Variants in PABPC4L observed in about 807,000 individuals in gnomAD.
The protein encoded by PABPC4L is polyadenylate-binding protein 4-like.
For missense variants in PABPC4L, 452 were observed against 451.4 expected, an observed-to-expected ratio of 1.00 and a Z score of -0.01; for synonymous variants, 169 against 164.1, an observed-to-expected ratio of 1.03 and a Z score of -0.23.
At chr4:134,074,845 A>G in the PABPC4L span, among the ~76,000 whole-genome samples, 2 of 152,116 alleles carry the variant, frequency 1.3e-5, no homozygotes, top group East Asian at 3.9e-4. Context: ...TCATGAGAAC[A>G]TCATGAGGGT....
the PABPC4L span, among the ~76,000 whole-genome samples, chr4:134,102,674 T>C: frequency 6.6e-6 from 1 of 151,504 alleles, no homozygotes; most frequent in Non-Finnish European, 1.5e-5. Flanking sequence ...CAGCTAAACG[T>C]TTGCTGAAGT....
At chr4:133,989,888 G>A in the PABPC4L span, among the ~76,000 whole-genome samples, 10 of 152,094 alleles carry the variant, frequency 6.6e-5, no homozygotes, top group African/African-American at 2.4e-4. Flanking sequence ...TACAATCATG[G>A]CAGGAGAAGC....
the PABPC4L span, among the ~76,000 whole-genome samples, chr4:134,042,610 T>A: frequency 6.6e-6 from 1 of 152,198 alleles, no homozygotes; most frequent in South Asian, 2.1e-4. Context: ...GGAACACTAT[T>A]AATAATTTTG....
chr4:133,982,290 T>C, the PABPC4L span, among the ~76,000 whole-genome samples: 1 of 152,004 alleles, frequency 6.6e-6, no homozygotes, highest in South Asian at 2.1e-4. Context: ...GCATCCTATT[T>C]ATATAGTGTA....
the PABPC4L span, among the ~76,000 whole-genome samples, chr4:134,130,567 C>A: frequency 0.48 from 72,605 of 151,764 alleles, 20,658 homozygotes; most frequent in East Asian, 0.98. Context: ...AAAGGCCAGG[C>A]CCAGAGAGAT....
At chr4:134,026,628 C>T in the PABPC4L span, among the ~76,000 whole-genome samples, 2 of 152,064 alleles carry the variant, frequency 1.3e-5, no homozygotes, top group East Asian at 1.9e-4. Context: ...TGTCCCCCCC[C>T]AAAATTCATA....
chr4:134,094,519 G>C, the PABPC4L span, among the ~76,000 whole-genome samples: 3 of 151,726 alleles, frequency 2.0e-5, no homozygotes, highest in Non-Finnish European at 4.4e-5. Flanking sequence ...ATGAAGTTAT[G>C]GTTTAAAATT....
At chr4:133,978,834 T>G in the PABPC4L span, 1 of 152,316 alleles carries the variant, frequency 6.6e-6, no homozygotes, top group South Asian at 2.1e-4. Context: ...ATAATTACCT[T>G]GTGATGTGAT....
chr4:134,155,780 G>GTAATC, the PABPC4L span, among the ~76,000 whole-genome samples: 1 of 151,864 alleles, frequency 6.6e-6, no homozygotes, highest in African/African-American at 2.4e-5. Context: ...AAATATTTTT[G>GTAATC]TAATCTGAAT....
At chr4:134,110,223 C>T in the PABPC4L span, among the ~76,000 whole-genome samples, 1 of 151,760 alleles carries the variant, frequency 6.6e-6, no homozygotes, top group Non-Finnish European at 1.5e-5. Flanking sequence ...AGAAAGTATA[C>T]TATAATTACT....
At chr4:133,949,971 A>C in the PABPC4L span, among the ~76,000 whole-genome samples, 1 of 152,144 alleles carries the variant, frequency 6.6e-6, no homozygotes, top group Non-Finnish European at 1.5e-5. Context: ...AATCCTAAGG[A>C]GTGCTATTTG....
the PABPC4L span, among the ~76,000 whole-genome samples, chr4:134,059,253 A>G: frequency 3.3e-5 from 5 of 151,784 alleles, no homozygotes; most frequent in South Asian, 6.2e-4. Flanking sequence ...ATCCTCATCC[A>G]TGTACATACA....
At chr4:134,176,737 G>C in the PABPC4L span, among the ~76,000 whole-genome samples, 1 of 152,198 alleles carries the variant, frequency 6.6e-6, no homozygotes, top group Middle Eastern at 3.4e-3. Flanking sequence ...TCAACACGAA[G>C]CCAGGAGAAC....
chr4:133,956,455 C>G, the PABPC4L span, among the ~76,000 whole-genome samples: 6 of 152,124 alleles, frequency 3.9e-5, no homozygotes, highest in African/African-American at 1.4e-4. Flanking sequence ...TTTAATTTAT[C>G]TCCTGATAGG....
the PABPC4L span, among the ~76,000 whole-genome samples, chr4:134,036,854 G>C: frequency 6.6e-6 from 1 of 151,888 alleles, no homozygotes; most frequent in African/African-American, 2.4e-5. Flanking sequence ...TCAGGAGTTC[G>C]AGACCAGCCT....
chr4:134,102,069 G>T, the PABPC4L span, among the ~76,000 whole-genome samples: 1 of 151,198 alleles, frequency 6.6e-6, no homozygotes, highest in Non-Finnish European at 1.5e-5. Flanking sequence ...AAGTTTTATT[G>T]TTCCTGCAAA....
At chr4:133,995,921 T>A in the PABPC4L span, among the ~76,000 whole-genome samples, 2 of 152,296 alleles carry the variant, frequency 1.3e-5, no homozygotes, top group East Asian at 3.9e-4. Context: ...GTAAATGGGC[T>A]AGTGGCTCCC....
chr4:133,950,059 TA>T, the PABPC4L span, among the ~76,000 whole-genome samples: 1 of 152,184 alleles, frequency 6.6e-6, no homozygotes, highest in South Asian at 2.1e-4. Flanking sequence ...TCATTCTCTC[TA>T]GCTTTCCAGA....
the PABPC4L span, among the ~76,000 whole-genome samples, chr4:134,165,469 G>T: frequency 3.9e-5 from 6 of 152,066 alleles, no homozygotes; most frequent in Non-Finnish European, 5.9e-5. Context: ...CTCAAAAGGT[G>T]AGCAGATGAC....
Sources: allele counts gnomAD v4.1 joint callset (sites outside exome capture counted in the v4.1 genomes callset), GRCh38; gene constraint gnomAD v4.1.1; transcripts MANE v1.5; gene names NCBI Gene and HGNC (gene_info 2026-07-23, HGNC 2026-07-21).